Variants in ASB3 observed in about 807,000 individuals in gnomAD.
ASB3 encodes the protein ankyrin repeat and SOCS box containing 3.
Under a neutral mutation model 54.5 loss-of-function variants are expected in ASB3, and 41 were observed. The observed-to-expected ratio is 0.75, with a 90% confidence interval of 0.59 to 0.98. The LOEUF (loss-of-function observed/expected upper bound fraction) is 0.98. ASB3 is among the 50% of genes least tolerant of loss of function. The pLI is 0.00. For synonymous variants in ASB3, 266 were observed against 221.2 expected, an observed-to-expected ratio of 1.20 and a Z score of -1.80; for missense variants, 733 against 620.0, an observed-to-expected ratio of 1.18 and a Z score of -1.94.
chr2:53,673,308 C>A (rs1394827177), intron 9 of ASB3, among the ~76,000 whole-genome samples: 1 of 152,112 alleles, frequency 6.6e-6, no homozygotes, highest in Non-Finnish European at 1.5e-5. Context: ...CTGTGCAACC[C>A]GGAGGAGAGC....
At chr2:53,683,094 T>G (rs1668461969) in intron 9 of ASB3, among the ~76,000 whole-genome samples, 1 of 152,176 alleles carries the variant, frequency 6.6e-6, no homozygotes, top group African/African-American at 2.4e-5. Flanking sequence ...CCCCTTTCAC[T>G]ATGATATGAG....
intron 2 of ASB3, among the ~76,000 whole-genome samples, chr2:53,764,598 T>G (rs1204982307): frequency 2.0e-5 from 3 of 152,226 alleles, no homozygotes; most frequent in African/African-American, 7.2e-5. Flanking sequence ...TCGCCTTTAG[T>G]CAATGACCTT....
chr2:53,762,827 T>A (rs1180557477), intron 2 of ASB3, among the ~76,000 whole-genome samples: 3 of 152,030 alleles, frequency 2.0e-5, no homozygotes, highest in Non-Finnish European at 4.4e-5. Context: ...AAAATATGTA[T>A]GCATATTAAA....
At chr2:53,734,719 T>G (rs1021484872) in intron 3 of ASB3, among the ~76,000 whole-genome samples, 1 of 152,190 alleles carries the variant, frequency 6.6e-6, no homozygotes, top group Non-Finnish European at 1.5e-5. Flanking sequence ...TCCTACTGCC[T>G]CTGGCATTAA....
intron 9 of ASB3, among the ~76,000 whole-genome samples, chr2:53,689,088 T>C (rs948315004): frequency 4.6e-5 from 7 of 152,078 alleles, no homozygotes; most frequent in Non-Finnish European, 1.5e-5. Flanking sequence ...TCCATGAAAT[T>C]TTAAAGAGGG....
chr2:53,683,261 C>T (rs10210834), intron 9 of ASB3, among the ~76,000 whole-genome samples: 3,716 of 152,228 alleles, frequency 0.024, 138 homozygotes, highest in African/African-American at 0.084. Context: ...ATATAACGTA[C>T]CACACTGATT....
intron 3 of ASB3, among the ~76,000 whole-genome samples, chr2:53,739,497 A>C (rs942178653): frequency 6.6e-6 from 1 of 152,222 alleles, no homozygotes; most frequent in Non-Finnish European, 1.5e-5. Flanking sequence ...GACATTTTTT[A>C]AATGTAATTA....
chr2:53,673,094 C>T (rs1377235330), intron 9 of ASB3, among the ~76,000 whole-genome samples: 2 of 149,154 alleles, frequency 1.3e-5, no homozygotes, highest in Non-Finnish European at 3.0e-5. Flanking sequence ...CAGCTGCAAA[C>T]ACAGAGCATG....
At chr2:53,718,067 G>T (rs1670496076) in intron 5 of ASB3, among the ~76,000 whole-genome samples, 1 of 152,056 alleles carries the variant, frequency 6.6e-6, no homozygotes, top group African/African-American at 2.4e-5. Flanking sequence ...ATGAATTATT[G>T]GTATTCCTGA....
At chr2:53,698,258 G>A (rs1475565824) in intron 8 of ASB3, among the ~76,000 whole-genome samples, 1 of 152,160 alleles carries the variant, frequency 6.6e-6, no homozygotes, top group Non-Finnish European at 1.5e-5. Flanking sequence ...GGGAGGGACA[G>A]CCTCAAAGAT....
chr2:53,701,186 G>T lies in ASB3; in HGVS notation c.981-658C>A, dbSNP rs534405533. On this transcript the variant is annotated intron_variant, in intron 7 of 9. Transcript: ENST00000263634. Reference sequence around the variant, plus strand: ...GACAGAGTCTCACTATGTTGCCCAGGCTGGTCTCAAACTCCTGGCCTCAAT... The same window carrying T: ...GACAGAGTCTCACTATGTTGCCCAGTCTGGTCTCAAACTCCTGGCCTCAAT... 1.9e-4 allele frequency among the ~76,000 whole-genome samples: 29 copies of T among 151,998 alleles called. No individual in the cohort carries two copies. In the South Asian group the frequency reaches 2.9e-3, roughly 15 times the overall value.
intron 3 of ASB3, among the ~76,000 whole-genome samples, chr2:53,746,485 C>CTTTT (rs371241627): frequency 5.5e-4 from 77 of 139,064 alleles, no homozygotes; most frequent in East Asian, 1.2e-3. Context: ...GGGGTTTTTT[C>CTTTT]TTTTTTTTTT....
At chr2:53,748,082 T>A (rs1015585173) in intron 3 of ASB3, among the ~76,000 whole-genome samples, 2 of 152,096 alleles carry the variant, frequency 1.3e-5, no homozygotes, top group South Asian at 4.1e-4. Flanking sequence ...AAAGTGGGAA[T>A]AATAATAGTA....
At chr2:53,726,737 C>T (rs1182811335) in intron 5 of ASB3, among the ~76,000 whole-genome samples, 1 of 151,578 alleles carries the variant, frequency 6.6e-6, no homozygotes, top group Non-Finnish European at 1.5e-5. Context: ...ACTCTTGTTG[C>T]CCAGACTGGA....
At chr2:53,742,344 C>A (rs1671976433) in intron 3 of ASB3, among the ~76,000 whole-genome samples, 1 of 152,044 alleles carries the variant, frequency 6.6e-6, no homozygotes, top group African/African-American at 2.4e-5. Flanking sequence ...CTCACATATT[C>A]CCAAGATGAA....
chr2:53,776,178 A>G lies in ASB3; in HGVS notation c.-13-10593T>C, dbSNP rs539276171. Among the ~76,000 whole-genome samples, 6 of 152,162 alleles carry G rather than the reference A, an allele frequency of 3.9e-5. No individual in the cohort carries two copies. In the South Asian group the frequency reaches 6.2e-4, roughly 16 times the overall value. ...TAAAGCTGTCCTACATGTCCTTTTC[A>G]TGTTTTCCTATTTATTAACATCTTA... is the stretch of plus-strand genomic sequence containing the variant. On this transcript the variant is annotated intron_variant, in intron 1 of 9. Transcript: ENST00000263634.
chr2:53,773,521 C>T (rs1484325042), intron 1 of ASB3, among the ~76,000 whole-genome samples: 1 of 152,058 alleles, frequency 6.6e-6, no homozygotes, highest in Non-Finnish European at 1.5e-5. Flanking sequence ...ACCTCTGCCA[C>T]CCGGGTTCAA....
At position 53,710,601 on chromosome 2, in the gene ASB3, T is replaced by G. The variant is rs114387087; in HGVS notation, c.980+3783A>C. ...AATGTTATGCTGTATAAATTCTGAG[T>G]CCTGGGTCTTGTTATAATCCTTTGA... On this transcript the variant is annotated intron_variant, in intron 7 of 9. Transcript: ENST00000263634. 4.3e-3 allele frequency among the ~76,000 whole-genome samples: 651 copies of G among 152,358 alleles called. 7 individuals carry two copies. Among genetic ancestry groups the G allele is most frequent in the African/African-American group, 0.015 (623 of 41,584 alleles).
At chr2:53,759,412 A>G (rs1252470862) in intron 2 of ASB3, among the ~76,000 whole-genome samples, 1 of 152,200 alleles carries the variant, frequency 6.6e-6, no homozygotes, top group Non-Finnish European at 1.5e-5. Flanking sequence ...ATTGAGGGCC[A>G]ACTAATCTTA....
Sources: gnomAD v4.1 joint callset for allele counts (sites outside exome capture counted in the v4.1 genomes callset) on GRCh38, gnomAD v4.1.1 for gene constraint, MANE v1.5 for transcripts, NCBI Gene and HGNC (gene_info 2026-07-23, HGNC 2026-07-21) for gene names.